The following ACOXL variants were observed in gnomAD, a reference collection of about 807,000 sequenced individuals.
ACOXL encodes acyl-CoA oxidase like, also known as acyl-coenzyme A oxidase-like protein.
A neutral mutation model predicts 71.9 loss-of-function variants in ACOXL; 70 were observed. The observed-to-expected ratio is 0.97, with a 90% CI of 0.80 to 1.19. ACOXL has a LOEUF of 1.19. Among genes scored for constraint, ACOXL ranks in the 50% most tolerant of loss-of-function variants. The probability of loss-of-function intolerance (pLI) is 0.00; values close to 1 mark genes in which losing one functional copy is unlikely to be tolerated. For missense variants in ACOXL, 703 were observed against 736.3 expected, an observed-to-expected ratio of 0.95 and a Z score of 0.52; for synonymous variants, 253 against 281.6, an observed-to-expected ratio of 0.90 and a Z score of 1.02.
intron 15 of ACOXL, chr2:111,036,991 A>T (rs964596820): frequency 6.6e-6 from 1 of 152,192 alleles, no homozygotes; most frequent in Non-Finnish European, 1.5e-5. Context: ...AATCTGGCAG[A>T]GCATGCCACT....
chr2:110,837,220 C>T (rs1479982486), intron 9 of ACOXL, among the ~76,000 whole-genome samples: 1 of 152,136 alleles, frequency 6.6e-6, no homozygotes, highest in Non-Finnish European at 1.5e-5. Context: ...CCTGGTCTCT[C>T]CTTTTCACCT....
intron 14 of ACOXL, among the ~76,000 whole-genome samples, chr2:110,997,865 A>G (rs563681986): frequency 3.3e-5 from 5 of 152,280 alleles, no homozygotes; most frequent in African/African-American, 9.6e-5. Flanking sequence ...CCTGGGCAAC[A>G]TGGCAAAATC....
intron 2 of ACOXL, among the ~76,000 whole-genome samples, chr2:110,773,208 T>A (rs1161848709): frequency 2.6e-5 from 4 of 152,198 alleles, no homozygotes; most frequent in African/African-American, 7.2e-5. Context: ...ATCAGAATTT[T>A]AGGTAATCTC....
At chr2:110,790,859 G>A (rs72832821) in intron 3 of ACOXL, among the ~76,000 whole-genome samples, 7,825 of 152,286 alleles carry the variant, frequency 0.051, 322 homozygotes, top group African/African-American at 0.11. Flanking sequence ...ACTGCAGTCA[G>A]TGGGTCTCCA....
intron 2 of ACOXL, among the ~76,000 whole-genome samples, chr2:110,773,780 T>TTGGCCAGCACTTTGGTC (rs1255618726): frequency 7.2e-5 from 11 of 152,340 alleles, no homozygotes; most frequent in African/African-American, 2.6e-4. Flanking sequence ...CATTGGCCAC[T>TTGGCCAGCACTTTGGTC]TGGCCAGCAC....
rs763148675 is a variant in ACOXL, at chr2:110,752,063, C to T, written c.-22-16305C>T. Among the ~76,000 whole-genome samples the T allele has an allele frequency of 3.3e-5, 5 of 149,952 alleles. 1 individual carries two copies. In the South Asian group the frequency reaches 8.4e-4, roughly 25 times the overall value. On this transcript the variant is annotated intron_variant, in intron 1 of 17. Coordinates refer to ENST00000439055, the MANE Select transcript of ACOXL (RefSeq NM_001142807.4). ...TTCCAGATGGAGTCTTGCTCTGTCTCGCCCAGGCTGGAGTGCAATGGCACG... is the reference window on the plus strand; with the variant it reads ...TTCCAGATGGAGTCTTGCTCTGTCTTGCCCAGGCTGGAGTGCAATGGCACG...
At chr2:110,857,700 T>C (rs1158468807) in intron 10 of ACOXL, among the ~76,000 whole-genome samples, 3 of 152,172 alleles carry the variant, frequency 2.0e-5, no homozygotes, top group Non-Finnish European at 4.4e-5. Context: ...TATTTATTTA[T>C]TTTTAACATA....
intron 12 of ACOXL, among the ~76,000 whole-genome samples, chr2:110,971,186 G>T: frequency 6.6e-6 from 1 of 152,100 alleles, no homozygotes; most frequent in East Asian, 1.9e-4. Context: ...CACTGAAGAG[G>T]ATATACCCAT....
chr2:111,022,546 C>G (rs974117123), intron 14 of ACOXL, among the ~76,000 whole-genome samples: 1 of 152,088 alleles, frequency 6.6e-6, no homozygotes, highest in Non-Finnish European at 1.5e-5. Context: ...GCCCCTGGCA[C>G]AGGCAGGGGC....
intron 9 of ACOXL, among the ~76,000 whole-genome samples, chr2:110,834,852 C>G (rs1347559729): frequency 3.9e-5 from 6 of 152,216 alleles, no homozygotes; most frequent in Non-Finnish European, 7.3e-5. Flanking sequence ...ACTCAGGACT[C>G]ACAACTTTTC....
chr2:110,802,536 TGTA>T (rs1686128506), intron 8 of ACOXL, among the ~76,000 whole-genome samples: 1 of 152,138 alleles, frequency 6.6e-6, no homozygotes, highest in African/African-American at 2.4e-5. Flanking sequence ...AGCAGATAAA[TGTA>T]GTGGATGCCA....
chr2:110,972,534 ATATACT>A (rs944312115), intron 12 of ACOXL, among the ~76,000 whole-genome samples: 12 of 152,192 alleles, frequency 7.9e-5, no homozygotes, highest in South Asian at 4.1e-4. Flanking sequence ...AGGACTTGAC[ATATACT>A]TATACTCATG....
intron 12 of ACOXL, among the ~76,000 whole-genome samples, chr2:110,956,694 G>T (rs2061514468): frequency 6.6e-6 from 1 of 152,090 alleles, no homozygotes; most frequent in Non-Finnish European, 1.5e-5. Context: ...TAACACATAA[G>T]ATAAGATTGA....
chr2:110,901,792 G>A (rs542505181), intron 10 of ACOXL, among the ~76,000 whole-genome samples: 6 of 152,126 alleles, frequency 3.9e-5, no homozygotes, highest in African/African-American at 1.2e-4. Flanking sequence ...TTTGGAGGCC[G>A]AGGTGGGTGG....
At chr2:110,920,872 C>G (rs1012395875) in intron 11 of ACOXL, among the ~76,000 whole-genome samples, 1 of 152,016 alleles carries the variant, frequency 6.6e-6, no homozygotes, top group African/African-American at 2.4e-5. Flanking sequence ...TTTGAAGTTT[C>G]CAACATACAA....
At chr2:111,060,909 A>G (rs2149880924) in intron 16 of ACOXL, among the ~76,000 whole-genome samples, 1 of 152,336 alleles carries the variant, frequency 6.6e-6, no homozygotes, top group African/African-American at 2.4e-5. Context: ...CAACAGCAGA[A>G]TGGAGAGAAC....
intron 10 of ACOXL, among the ~76,000 whole-genome samples, chr2:110,856,373 G>A (rs572452582): frequency 2.6e-5 from 4 of 152,286 alleles, no homozygotes; most frequent in South Asian, 2.1e-4. Context: ...GCTTGTCATG[G>A]TGTCACAGTG....
At chr2:110,771,258 C>T (rs557839717) in intron 2 of ACOXL, among the ~76,000 whole-genome samples, 7 of 152,192 alleles carry the variant, frequency 4.6e-5, no homozygotes, top group South Asian at 2.1e-4. Context: ...TCTCAAATTC[C>T]GCCCTGTAAA....
chr2:110,862,823 A>C (rs987759571), intron 10 of ACOXL, among the ~76,000 whole-genome samples: 3 of 152,208 alleles, frequency 2.0e-5, no homozygotes, highest in African/African-American at 7.2e-5. Flanking sequence ...GCCGTGGCCA[A>C]TATTAGAAAT....
Sources: gnomAD v4.1 joint callset for allele counts (sites outside exome capture counted in the v4.1 genomes callset) on GRCh38, gnomAD v4.1.1 for gene constraint, MANE v1.5 for transcripts, NCBI Gene and HGNC (gene_info 2026-07-23, HGNC 2026-07-21) for gene names.